Variants in CACNA2D2 observed in about 807,000 individuals in gnomAD.
The protein encoded by CACNA2D2 is calcium voltage-gated channel auxiliary subunit alpha2delta 2.
In CACNA2D2, 48 loss-of-function variants were observed where a neutral mutation model predicts 166.4. The observed-to-expected ratio is 0.29, with a 90% CI of 0.23 to 0.37. The LOEUF is 0.37. Among genes scored for constraint, CACNA2D2 ranks in the 10% least tolerant of loss-of-function variants. The pLI is 1.00. For missense variants in CACNA2D2, 1,122 were observed against 1,433.0 expected (o/e 0.78, Z 3.50); for synonymous variants, 561 against 573.7 (o/e 0.98, Z 0.32).
chr3:50,476,137 C>A lies in CACNA2D2; in HGVS notation c.269G>T (p.Gly90Val). Residue 90 changes from glycine to valine, a missense_variant, in exon 2 of 38, where the codon GGC becomes GTC. Physicochemically the swap from Gly to Val is moderately radical, Grantham distance 109. Coordinates refer to ENST00000424201, the MANE Select transcript of CACNA2D2 (RefSeq NM_006030.4). ...EVDGVMRIFG[G>V]VQQLREIYKD... Reference sequence around the variant, plus strand: ...GCTCACCTCACGGAGCTGCTGGACGCCTCCAAAAATCCGCATCACGCCGTC... The same window carrying A: ...GCTCACCTCACGGAGCTGCTGGACGACTCCAAAAATCCGCATCACGCCGTC... 1 of 1,602,850 alleles carries A rather than the reference C, an allele frequency of 6.2e-7. No homozygotes were observed. Among genetic ancestry groups the A allele is most frequent in the Non-Finnish European group, 8.5e-7 (1 of 1,175,164 alleles).
intron 5 of CACNA2D2, among the ~76,000 whole-genome samples, chr3:50,386,123 T>C (rs1705593135): frequency 6.6e-6 from 1 of 152,232 alleles, no homozygotes; most frequent in Non-Finnish European, 1.5e-5. Context: ...GCGTTTGGCC[T>C]AGCTGACCCT....
rs751082202 is a variant in CACNA2D2, at chr3:50,387,558, G to A, written c.510+10C>T. 2 of 1,612,746 alleles carry A rather than the reference G, an allele frequency of 1.2e-6. No individual in the cohort carries two copies. Among genetic ancestry groups the A allele is most frequent in the Non-Finnish European group, 8.5e-7 (1 of 1,178,824 alleles). On this transcript the variant is annotated intron_variant, in intron 5 of 37. Coordinates refer to ENST00000424201, the MANE Select transcript of CACNA2D2 (RefSeq NM_006030.4). ...CAGCAAGGAGGTGTGGCTCAGGAGG[G>A]GGTGCTCACCAGCTCAGCGTCAGCC...
rs562802033 is a variant in CACNA2D2 at position 50,492,475 on chromosome 3, A to G, written c.206+10743T>C. On this transcript the variant is annotated intron_variant, in intron 1 of 37. Transcript: ENST00000424201. ...CAAACCCCAGGTTTGGGTCTAGTCT[A>G]TGCCTCAAGTGCTGAGAGGCCGAAG... 6.6e-5 allele frequency among the ~76,000 whole-genome samples: 10 copies of G among 152,306 alleles called. No homozygotes were observed. In the East Asian group the frequency reaches 1.9e-3, roughly 29 times the overall value.
At chr3:50,430,388 C>T (rs971269030) in intron 3 of CACNA2D2, among the ~76,000 whole-genome samples, 1 of 152,248 alleles carries the variant, frequency 6.6e-6, no homozygotes, top group African/African-American at 2.4e-5. Context: ...TGCAGGGGCA[C>T]AACCTTCAAG....
Position 50,380,927 on chromosome 3 carries a change from G to A in CACNA2D2, c.784+68C>T, listed in dbSNP as rs951599176. The A allele has an allele frequency of 2.8e-5, 45 of 1,593,508 alleles. No homozygotes were observed. In the East Asian group the frequency reaches 9.9e-4, roughly 35 times the overall value. On this transcript the variant is annotated intron_variant, in intron 7 of 37. Coordinates refer to ENST00000424201, the MANE Select transcript of CACNA2D2 (RefSeq NM_006030.4). This position sits in a 1 kb window ranked among gnomAD's most constrained non-coding sequence, Gnocchi z 4.9. ...AAGCCACCCCGCCCCATGCCCCCAG[G>A]ATGGGTGGGCTGGTAGATGGAGAAA... is the stretch of plus-strand genomic sequence containing the variant.
chr3:50,425,864 G>A (rs1707784504), intron 3 of CACNA2D2, among the ~76,000 whole-genome samples: 1 of 152,186 alleles, frequency 6.6e-6, no homozygotes, highest in Non-Finnish European at 1.5e-5. Flanking sequence ...CTCTGGTGGT[G>A]AGGTGCAAGG....
intron 3 of CACNA2D2, among the ~76,000 whole-genome samples, chr3:50,403,600 C>A (rs1034106596): frequency 6.6e-6 from 1 of 152,204 alleles, no homozygotes; most frequent in African/African-American, 2.4e-5. Flanking sequence ...CCCCAGCCCC[C>A]ACACCTTCAG....
At position 50,368,250 on chromosome 3, in the gene CACNA2D2, G is replaced by A. The variant is rs777368589; in HGVS notation, c.2046-15C>T. ...TGCAGTACTCTCTAGGGATGGGGAGGGGCAAGAAGAGTGGGCTTGGGGGGC... is the reference window on the plus strand; with the variant it reads ...TGCAGTACTCTCTAGGGATGGGGAGAGGCAAGAAGAGTGGGCTTGGGGGGC... On this transcript the variant is annotated splice_polypyrimidine_tract_variant and intron_variant, in intron 23 of 37. Transcript: ENST00000424201. 6.4e-7 allele frequency: 1 copy of A among 1,550,802 alleles called. No homozygotes were observed. The highest frequency in any genetic ancestry group is 1.1e-5 in the South Asian group (1 of 89,862).
At position 50,375,674 on chromosome 3, in the gene CACNA2D2, G is replaced by T; in HGVS notation, c.1877C>A (p.Thr626Asn). ...GTTAGTGCTCCTTATAGGCACCCAG[G>T]TGTAGTTCCGTGTCACCTCATCTAT... ...RYIDEVTRNY[T>N]WVPIRSTNYS... Residue 626 changes from threonine to asparagine, a missense_variant, in exon 21 of 38, where the codon ACC becomes AAC. Thr to Asn is a moderately conservative substitution (Grantham distance 65). Coordinates refer to ENST00000424201, the MANE Select transcript of CACNA2D2 (RefSeq NM_006030.4). The surrounding 1 kb of genome is among the most constrained non-coding windows in gnomAD (Gnocchi z 4.0). The T allele has an allele frequency of 6.2e-7, 1 of 1,613,336 alleles. No homozygotes were observed. The highest frequency in any genetic ancestry group is 8.5e-7 in the Non-Finnish European group (1 of 1,179,916).
At chr3:50,487,935 A>T (rs1375097557) in intron 1 of CACNA2D2, among the ~76,000 whole-genome samples, 1 of 152,156 alleles carries the variant, frequency 6.6e-6, no homozygotes, top group Non-Finnish European at 1.5e-5. Flanking sequence ...GGGCAGATGC[A>T]GGCCTGTCCT....
chr3:50,482,797 G>T (rs1698109214), intron 1 of CACNA2D2, among the ~76,000 whole-genome samples: 3 of 152,250 alleles, frequency 2.0e-5, no homozygotes, highest in African/African-American at 7.2e-5. Flanking sequence ...CTGGGGAAGG[G>T]CAGGGTTTCC....
chr3:50,409,262 G>A (rs1366292854), intron 3 of CACNA2D2, among the ~76,000 whole-genome samples: 1 of 152,238 alleles, frequency 6.6e-6, no homozygotes, highest in African/African-American at 2.4e-5. Context: ...AGGAAGGGCT[G>A]GAGGTAGAGT....
chr3:50,389,059 G>A (rs1006286225), intron 4 of CACNA2D2, among the ~76,000 whole-genome samples: 4 of 152,168 alleles, frequency 2.6e-5, no homozygotes, highest in Admixed American at 1.3e-4. Flanking sequence ...GAAAGCCTTC[G>A]CACCCTGGCT....
At chr3:50,469,215 G>A (rs1025757748) in intron 2 of CACNA2D2, among the ~76,000 whole-genome samples, 1 of 152,056 alleles carries the variant, frequency 6.6e-6, no homozygotes. Context: ...ACAGTCTTCC[G>A]GGGTATAGGG....
intron 3 of CACNA2D2, among the ~76,000 whole-genome samples, chr3:50,409,697 G>A (rs1198304672): frequency 6.6e-6 from 1 of 152,240 alleles, no homozygotes; most frequent in East Asian, 1.9e-4. Flanking sequence ...GGGCAGGGTG[G>A]AAGGTTGAAC....
chr3:50,388,551 T>G (rs1195633336), intron 4 of CACNA2D2, among the ~76,000 whole-genome samples: 2 of 152,244 alleles, frequency 1.3e-5, no homozygotes, highest in East Asian at 3.8e-4. Context: ...ATGGGAGTGG[T>G]GACCAAGTCT....
At chr3:50,403,887 G>C (rs1575635393) in intron 3 of CACNA2D2, among the ~76,000 whole-genome samples, 1 of 152,338 alleles carries the variant, frequency 6.6e-6, no homozygotes, top group African/African-American at 2.4e-5. Context: ...CTGGTGCCCT[G>C]TAGGGCTGGG....
At chr3:50,372,715 G>A (rs933683430) in intron 22 of CACNA2D2, among the ~76,000 whole-genome samples, 10 of 152,192 alleles carry the variant, frequency 6.6e-5, no homozygotes, top group Non-Finnish European at 2.9e-5. Context: ...AGTGGGAGGT[G>A]GTGGAGAAGC....
chr3:50,389,493 A>G, intron 4 of CACNA2D2, among the ~76,000 whole-genome samples: 1 of 152,078 alleles, frequency 6.6e-6, no homozygotes, highest in Non-Finnish European at 1.5e-5. Context: ...TTTTAGGCAA[A>G]CCTTCCACAA....
Sources: allele counts gnomAD v4.1 joint callset (sites outside exome capture counted in the v4.1 genomes callset), GRCh38; gene constraint gnomAD v4.1.1; non-coding constraint Gnocchi (gnomAD v3.1); transcripts MANE v1.5; gene names NCBI Gene and HGNC (gene_info 2026-07-23, HGNC 2026-07-21).